The following PAPSS1 variants were observed in gnomAD, a reference collection of about 807,000 sequenced individuals.
The protein encoded by PAPSS1 is 3'-phosphoadenosine 5'-phosphosulfate synthase 1.
A neutral mutation model predicts 72.0 loss-of-function variants in PAPSS1; 50 were observed. That is an observed-to-expected ratio of 0.69 (90% confidence interval 0.55 to 0.88). The LOEUF (loss-of-function observed/expected upper bound fraction) is 0.88. Ranked by LOEUF, PAPSS1 falls within the 40% of genes least tolerant of loss-of-function variation. The probability of loss-of-function intolerance (pLI) is 0.00; values close to 1 mark genes in which losing one functional copy is unlikely to be tolerated. For missense variants in PAPSS1, 657 were observed against 782.2 expected (o/e 0.84, Z 1.91); for synonymous variants, 261 against 263.6 (o/e 0.99, Z 0.09).
chr4:107,645,023 C>T lies in PAPSS1; in HGVS notation c.1285G>A (p.Ala429Thr). ...TTATGGGTATCCTGCATTAACAGGG[C>T]ATGTCCATTGTGCACTGGGTTGCGT... ...QLRNPVHNGH[A>T]LLMQDTHKQL... Residue 429 changes from alanine (A) to threonine (T), a missense_variant, in exon 10 of 12, where the codon GCC becomes ACC. Transcript: ENST00000265174. 5 of 1,604,816 alleles carry T rather than the reference C, an allele frequency of 3.1e-6. No homozygotes were observed. The highest frequency in any genetic ancestry group is 4.3e-6 in the Non-Finnish European group (5 of 1,175,288).
chr4:107,718,943 GA>G (rs1723703647), intron 1 of PAPSS1, among the ~76,000 whole-genome samples: 1 of 152,134 alleles, frequency 6.6e-6, no homozygotes, highest in African/African-American at 2.4e-5. Flanking sequence ...ACTGAGGTTC[GA>G]AAAAGTAAAG....
chr4:107,635,649 G>A (rs1726355709), intron 10 of PAPSS1, among the ~76,000 whole-genome samples: 1 of 152,036 alleles, frequency 6.6e-6, no homozygotes, highest in Non-Finnish European at 1.5e-5. Flanking sequence ...AAAATAGGAT[G>A]TGACCAGTGA....
At chr4:107,712,970 T>C (rs1317178319) in intron 1 of PAPSS1, among the ~76,000 whole-genome samples, 4 of 149,876 alleles carry the variant, frequency 2.7e-5, no homozygotes, top group Non-Finnish European at 5.9e-5. Flanking sequence ...AAATACAAAA[T>C]GGAGTCTTGC....
chr4:107,615,741 A>T (rs1045438664), intron 11 of PAPSS1, among the ~76,000 whole-genome samples: 3 of 152,222 alleles, frequency 2.0e-5, no homozygotes, highest in African/African-American at 7.2e-5. Flanking sequence ...CTATATACAA[A>T]CATTGCTATG....
rs150386152 is a variant in PAPSS1, at chr4:107,658,973, T to C, written c.783+986A>G. Among the ~76,000 whole-genome samples, 626 of 152,360 alleles carry C rather than the reference T, an allele frequency of 4.1e-3. 9 individuals are homozygous for C. Among genetic ancestry groups the C allele is most frequent in the African/African-American group, 0.014 (586 of 41,584 alleles). The stretch of plus-strand genomic sequence containing the variant: ...ATACATTCCATTTAGAAAAAGCTAC[T>C]GTCTTTCTGGATTCTAGAATCTGAC... On this transcript the variant is annotated intron_variant, in intron 6 of 11. Transcript: ENST00000265174.
rs576917370 is a variant in PAPSS1, at chr4:107,715,524, A to G, written c.60+4596T>C. Among the ~76,000 whole-genome samples, 9 of 152,348 alleles carry G rather than the reference A, an allele frequency of 5.9e-5. No homozygotes were observed. In the South Asian group the frequency reaches 1.7e-3, roughly 28 times the overall value. On this transcript the variant is annotated intron_variant, in intron 1 of 11. Coordinates refer to ENST00000265174, the MANE Select transcript of PAPSS1 (RefSeq NM_005443.5). ...TCATTTTTGTATCATCTGAGTATTC[A>G]GCTAAATCCAGAATGTGCTGCTGGC...
At chr4:107,616,124 G>A (rs1239499225) in intron 11 of PAPSS1, among the ~76,000 whole-genome samples, 1 of 151,546 alleles carries the variant, frequency 6.6e-6, no homozygotes, top group Non-Finnish European at 1.5e-5. Flanking sequence ...AAAGAAATAT[G>A]CCCTATGTAG....
chr4:107,670,698 T>C (rs1207851190), intron 5 of PAPSS1, among the ~76,000 whole-genome samples: 3 of 151,976 alleles, frequency 2.0e-5, no homozygotes, highest in African/African-American at 7.2e-5. Flanking sequence ...CCTGACTACT[T>C]TTTAAAAAAA....
At chr4:107,635,644 A>G (rs1378470714) in intron 10 of PAPSS1, among the ~76,000 whole-genome samples, 2 of 152,202 alleles carry the variant, frequency 1.3e-5, no homozygotes, top group Non-Finnish European at 2.9e-5. Flanking sequence ...GAGAAAAAAT[A>G]GGATGTGACC....
At chr4:107,616,846 A>T (rs1251893350) in intron 11 of PAPSS1, among the ~76,000 whole-genome samples, 1 of 152,242 alleles carries the variant, frequency 6.6e-6, no homozygotes, top group Non-Finnish European at 1.5e-5. Context: ...AATGTTAGTT[A>T]CTGAAGTTTG....
chr4:107,680,937 T>C (rs1727789179), intron 5 of PAPSS1, among the ~76,000 whole-genome samples: 1 of 152,194 alleles, frequency 6.6e-6, no homozygotes, highest in Non-Finnish European at 1.5e-5. Flanking sequence ...ATTATTTCTA[T>C]ATATTCAGCT....
intron 5 of PAPSS1, among the ~76,000 whole-genome samples, chr4:107,676,671 T>C (rs894084997): frequency 1.3e-5 from 2 of 152,228 alleles, no homozygotes; most frequent in South Asian, 4.2e-4. Flanking sequence ...CTTCATAGAA[T>C]TGGAAAAAAC....
chr4:107,694,725 T>C (rs944248561), intron 2 of PAPSS1, among the ~76,000 whole-genome samples: 1 of 152,224 alleles, frequency 6.6e-6, no homozygotes, highest in African/African-American at 2.4e-5. Flanking sequence ...GTCCAATTTA[T>C]AATATAATTA....
chr4:107,634,310 C>A (rs1241463777), intron 10 of PAPSS1, among the ~76,000 whole-genome samples: 1 of 152,076 alleles, frequency 6.6e-6, no homozygotes, highest in Admixed American at 6.5e-5. Flanking sequence ...GCCACCGTGC[C>A]TGGCCATTAA....
chr4:107,617,224 T>C (rs1016542107), intron 11 of PAPSS1, among the ~76,000 whole-genome samples: 1 of 147,230 alleles, frequency 6.8e-6, no homozygotes, highest in South Asian at 2.1e-4. Flanking sequence ...TTTTTTTTTT[T>C]CACCACCGGC....
At chr4:107,679,705 A>C (rs980692058) in intron 5 of PAPSS1, among the ~76,000 whole-genome samples, 2 of 150,978 alleles carry the variant, frequency 1.3e-5, no homozygotes, top group African/African-American at 4.9e-5. Flanking sequence ...TTGAGACAGA[A>C]TCTCGCTCTG....
intron 8 of PAPSS1, 83 bp downstream of exon 8, chr4:107,654,612 A>G (rs1360191575): frequency 1.9e-6 from 2 of 1,069,154 alleles, no homozygotes; most frequent in Admixed American, 3.6e-5. Flanking sequence ...TCCAATGAAA[A>G]GTCAATACAC....
Position 107,720,167 on chromosome 4 carries a change from C to G in PAPSS1, c.13G>C (p.Gly5Arg). Residue 5 changes from glycine (G) to arginine (R), a missense_variant, in exon 1 of 12, where the codon GGG becomes CGG. This residue lies in a region of PAPSS1 where 48 missense variants were observed against 31.9 expected (regional missense o/e 1.51). Transcript: ENST00000265174. ...AGTTTGACTTTCTTGCACAGGCTCCCGGGGATCTCCATGACCGCGGAGCGC... is the reference window on the plus strand; with the variant it reads ...AGTTTGACTTTCTTGCACAGGCTCCGGGGGATCTCCATGACCGCGGAGCGC... MEIP[G>R]SLCKKVKLSN... The G allele has an allele frequency of 6.2e-7, 1 of 1,603,996 alleles. No individual in the cohort carries two copies. Among genetic ancestry groups the G allele is most frequent in the Non-Finnish European group, 8.5e-7 (1 of 1,175,866 alleles).
intron 11 of PAPSS1, among the ~76,000 whole-genome samples, chr4:107,615,321 A>C (rs1725792027): frequency 6.6e-6 from 1 of 152,142 alleles, no homozygotes; most frequent in Admixed American, 6.5e-5. Context: ...AGGACTCAGC[A>C]AGCATTCAGA....
Sources: gnomAD v4.1 joint callset for allele counts (sites outside exome capture counted in the v4.1 genomes callset) on GRCh38, gnomAD v4.1.1 for gene constraint, gnomAD v4.1.1 regional missense constraint, MANE v1.5 for transcripts, NCBI Gene and HGNC (gene_info 2026-07-23, HGNC 2026-07-21) for gene names.